KCNK2: variants seen among roughly 807,000 people sequenced by gnomAD.
KCNK2 encodes the protein potassium two pore domain channel subfamily K member 2, also known as potassium channel subfamily K member 2.
In KCNK2, 21 loss-of-function variants were observed where a neutral mutation model predicts 40.5. The observed-to-expected ratio is 0.52, with a 90% confidence interval of 0.37 to 0.75. The LOEUF (loss-of-function observed/expected upper bound fraction) is 0.75, where lower values mean the gene tolerates loss of function less well. Among genes scored for constraint, KCNK2 ranks in the 30% least tolerant of loss-of-function variants. The pLI is 0.00. For missense variants in KCNK2, 399 were observed against 531.6 expected, an observed-to-expected ratio of 0.75 and a Z score of 2.45; for synonymous variants, 191 against 202.2, an observed-to-expected ratio of 0.94 and a Z score of 0.47.
intron 1 of KCNK2, among the ~76,000 whole-genome samples, chr1:215,021,795 G>A (rs1359115868): frequency 1.3e-5 from 2 of 152,008 alleles, no homozygotes; most frequent in African/African-American, 4.8e-5. Context: ...TCATCCGCCC[G>A]CCTCGGCCTC....
intron 1 of KCNK2, among the ~76,000 whole-genome samples, chr1:215,007,141 A>ATGTG (rs558312727): frequency 8.9e-6 from 1 of 112,502 alleles, no homozygotes; most frequent in African/African-American, 4.2e-5. Flanking sequence ...GTGTATATAT[A>ATGTG]TGTGTATATA....
At chr1:215,070,415 TAAAAA>T (rs536258219) in intron 1 of KCNK2, among the ~76,000 whole-genome samples, 13 of 93,576 alleles carry the variant, frequency 1.4e-4, no homozygotes, top group Admixed American at 1.4e-3. Context: ...GACCCCGTCT[TAAAAA>T]AAAAAAAAAA....
chr1:215,226,220 A>G (rs932415674), intron 6 of KCNK2, among the ~76,000 whole-genome samples: 8 of 152,222 alleles, frequency 5.3e-5, no homozygotes, highest in African/African-American at 1.4e-4. Flanking sequence ...TTGAAAAGCT[A>G]TCAGAGGATT....
intron 1 of KCNK2, chr1:215,005,962 A>G (rs376951849): frequency 6.2e-7 from 1 of 1,610,516 alleles, no homozygotes; most frequent in African/African-American, 1.3e-5. Context: ...TACTGTGAGT[A>G]TCTTTGCAAT....
intron 1 of KCNK2, among the ~76,000 whole-genome samples, chr1:215,061,314 TAA>T (rs76167590): frequency 6.7e-6 from 1 of 148,180 alleles, no homozygotes; most frequent in Non-Finnish European, 1.5e-5. Flanking sequence ...AGCTTTCATG[TAA>T]AAAAAAAAAT....
intron 3 of KCNK2, among the ~76,000 whole-genome samples, chr1:215,152,541 C>T (rs918734191): frequency 1.3e-5 from 2 of 152,026 alleles, no homozygotes; most frequent in African/African-American, 4.8e-5. Context: ...TAAAGAAAAG[C>T]CAGTGGGTGG....
intron 2 of KCNK2, among the ~76,000 whole-genome samples, chr1:215,107,579 G>A (rs1196580726): frequency 6.6e-6 from 1 of 151,952 alleles, no homozygotes; most frequent in Non-Finnish European, 1.5e-5. Flanking sequence ...ATCGATTTGT[G>A]TTTTTCTGAT....
intron 6 of KCNK2, among the ~76,000 whole-genome samples, chr1:215,223,093 T>C (rs1351096140): frequency 2.0e-5 from 3 of 152,144 alleles, no homozygotes. Context: ...TCAGTAGTTT[T>C]ATTTCTGGTG....
rs115648260 is a variant in KCNK2, at chr1:215,022,587, C to G, written c.34+16632C>G. 3.9e-3 allele frequency among the ~76,000 whole-genome samples: 591 copies of G among 152,224 alleles called. 4 individuals carry two copies. Among genetic ancestry groups the G allele is most frequent in the African/African-American group, 0.014 (568 of 41,518 alleles). On this transcript the variant is annotated intron_variant, in intron 1 of 6. Transcript: ENST00000391895. ...AAATGCTATCATGCCAAGGAGGGCA[C>G]AGGATATTTTTTTAAAATGCACTCC...
chr1:215,019,796 C>T (rs1033914219), intron 1 of KCNK2, among the ~76,000 whole-genome samples: 11 of 152,058 alleles, frequency 7.2e-5, no homozygotes, highest in African/African-American at 1.9e-4. Context: ...GGTTATTCTC[C>T]GTGAAGAAAC....
chr1:215,045,174 AC>A (rs1443430438), intron 1 of KCNK2, among the ~76,000 whole-genome samples: 1 of 149,538 alleles, frequency 6.7e-6, no homozygotes, highest in Admixed American at 6.7e-5. Flanking sequence ...ACAGAGCGAG[AC>A]TCCGTCTCAA....
At position 215,236,852 on chromosome 1, in the gene KCNK2, AAT is replaced by A. The variant is rs1558153892; in HGVS notation, c.*1709_*1710del. 1 of 152,242 alleles carries A rather than the reference AAT, an allele frequency of 6.6e-6. No individual in the cohort carries two copies. 9.4% of individuals were successfully genotyped at this position (152,242 alleles called of 1,614,324 possible). On this transcript the variant is annotated 3_prime_UTR_variant, in exon 7 of 7. Transcript: ENST00000444842. ...AATCTTTAAAAGAAGCAAATAAACT[AAT>A]AGACGCTTATTTTCCAAAATTTAAA...
chr1:215,083,213 C>A lies in KCNK2; in HGVS notation c.-173C>A. 1 of 1,393,886 alleles carries A rather than the reference C, an allele frequency of 7.2e-7. No individual in the cohort carries two copies. Among genetic ancestry groups the A allele is most frequent in the Non-Finnish European group, 9.8e-7 (1 of 1,021,674 alleles). 86.3% of individuals were successfully genotyped at this position (1,393,886 alleles called of 1,614,324 possible). On this transcript the variant is annotated 5_prime_UTR_variant, in exon 1 of 7. Coordinates refer to ENST00000444842, the MANE Select transcript of KCNK2 (RefSeq NM_001017425.3). ...TCACGCTCCCCCCCCCGCCCCCTCC[C>A]GCGTCCAGCCCCGCTCTCCCCACCT... is the stretch of plus-strand genomic sequence containing the variant.
chr1:215,203,847 G>A (rs540831135), intron 6 of KCNK2, among the ~76,000 whole-genome samples: 1 of 151,672 alleles, frequency 6.6e-6, no homozygotes, highest in South Asian at 2.1e-4. Context: ...GACCATCCTG[G>A]CAAACACCAT....
chr1:215,125,629 C>T (rs1661386437), intron 3 of KCNK2, among the ~76,000 whole-genome samples: 1 of 151,440 alleles, frequency 6.6e-6, no homozygotes, highest in African/African-American at 2.4e-5. Flanking sequence ...AGGAGATACA[C>T]CTAATGTAAA....
chr1:215,016,970 C>T (rs1448217636), intron 1 of KCNK2, among the ~76,000 whole-genome samples: 1 of 152,038 alleles, frequency 6.6e-6, no homozygotes, highest in African/African-American at 2.4e-5. Context: ...AGAAGACATA[C>T]AGACAGGTGT....
At chr1:215,175,417 C>T in intron 5 of KCNK2, among the ~76,000 whole-genome samples, 1 of 151,276 alleles carries the variant, frequency 6.6e-6, no homozygotes, top group Non-Finnish European at 1.5e-5. Context: ...TACATTTCCT[C>T]TCTAATTTTT....
intron 1 of KCNK2, among the ~76,000 whole-genome samples, chr1:215,071,793 T>C: frequency 6.6e-6 from 1 of 152,032 alleles, no homozygotes; most frequent in Non-Finnish European, 1.5e-5. Context: ...CCACAATACC[T>C]GGAGCTCCAG....
intron 2 of KCNK2, among the ~76,000 whole-genome samples, chr1:215,116,822 A>G (rs1346417676): frequency 6.6e-6 from 1 of 151,930 alleles, no homozygotes; most frequent in African/African-American, 2.4e-5. Context: ...ACATTATGGC[A>G]TATTGTTTCT....
Sources: allele counts gnomAD v4.1 joint callset (sites outside exome capture counted in the v4.1 genomes callset), GRCh38; gene constraint gnomAD v4.1.1; transcripts MANE v1.5; gene names NCBI Gene and HGNC (gene_info 2026-07-23, HGNC 2026-07-21).